The following RIBC2 variants were observed in gnomAD, a reference collection of about 807,000 sequenced individuals.
RIBC2 encodes the protein RIB43A domain with coiled-coils 2.
Under a neutral mutation model 44.3 loss-of-function variants are expected in RIBC2, and 40 were observed. The ratio of observed to expected loss-of-function variants is 0.90; its 90% confidence interval spans 0.70 to 1.18. RIBC2 has a LOEUF of 1.18. Among genes scored for constraint, RIBC2 ranks in the 50% most tolerant of loss-of-function variants. The probability of loss-of-function intolerance (pLI) is 0.00; values close to 1 mark genes in which losing one functional copy is unlikely to be tolerated. For synonymous variants in RIBC2, 171 were observed against 175.0 expected (o/e 0.98, Z 0.18); for missense variants, 459 against 485.5 (o/e 0.95, Z 0.51).
intron 5 of RIBC2, among the ~76,000 whole-genome samples, chr22:45,428,490 C>T (rs1157423276): frequency 6.6e-6 from 1 of 152,030 alleles, no homozygotes; most frequent in African/African-American, 2.4e-5. Flanking sequence ...CCCTGGGCTG[C>T]AGGAGAGCGA....
chr22:45,425,163 G>A (rs1602118816), intron 4 of RIBC2, among the ~76,000 whole-genome samples: 1 of 152,090 alleles, frequency 6.6e-6, no homozygotes, highest in Non-Finnish European at 1.5e-5. Flanking sequence ...ACGGGTGTAG[G>A]GGCTTGGAAG....
chr22:45,414,853 A>G (rs2087404660), intron 2 of RIBC2, among the ~76,000 whole-genome samples: 1 of 152,172 alleles, frequency 6.6e-6, no homozygotes, highest in Admixed American at 6.5e-5. Context: ...CCTTAAACAC[A>G]GAAAGACACA....
chr22:45,420,722 C>T (rs1021096417), intron 3 of RIBC2, among the ~76,000 whole-genome samples: 1 of 152,200 alleles, frequency 6.6e-6, no homozygotes, highest in Admixed American at 6.5e-5. Context: ...ACTCTTGTCC[C>T]TTCTACCTCC....
At chr22:45,423,071 T>A (rs1344014888) in intron 4 of RIBC2, among the ~76,000 whole-genome samples, 4 of 152,070 alleles carry the variant, frequency 2.6e-5, no homozygotes, top group Non-Finnish European at 4.4e-5. Context: ...AGCCTCGACC[T>A]CCCAGGCTCA....
chr22:45,431,031 C>T lies in RIBC2; in HGVS notation c.1035C>T (p.Ser345=). Residue 345 remains serine, a synonymous_variant, in exon 6 of 7, where the codon AGC becomes AGT. Transcript: ENST00000614167. ...RQRDLRRALD[S]SNLSLAKEQH... ...GCGACCTGCGCAGAGCTCTGGACAG[C>T]AGCAACCTCAGCCTGGCCAAGGAGC... 2 of 1,582,758 alleles carry T rather than the reference C, an allele frequency of 1.3e-6. No homozygotes were observed. The highest frequency in any genetic ancestry group is 1.7e-6 in the Non-Finnish European group (2 of 1,164,776).
chr22:45,426,608 C>G (rs963346071), intron 5 of RIBC2, among the ~76,000 whole-genome samples: 17 of 152,182 alleles, frequency 1.1e-4, no homozygotes, highest in Admixed American at 3.3e-4. Context: ...GGTCGAGGTC[C>G]TGGCAGTCCA....
At chr22:45,420,911 G>C (rs2087471106) in intron 3 of RIBC2, among the ~76,000 whole-genome samples, 2 of 152,148 alleles carry the variant, frequency 1.3e-5, no homozygotes, top group Admixed American at 6.6e-5. Context: ...ACAATGTGGA[G>C]TTTGGCCAGG....
rs574617902 is a variant in RIBC2 at position 45,421,601 on chromosome 22, TTAA to T, written c.557-678_557-676del. ...ATTATTAATAATAATAATAGTATTA[TTAA>T]TAATAATAATGTTATTATTCTGCAA... On this transcript the variant is annotated intron_variant, in intron 3 of 6. Coordinates refer to ENST00000614167, the MANE Select transcript of RIBC2 (RefSeq NM_015653.5). Among the ~76,000 whole-genome samples the T allele has an allele frequency of 6.7e-3, 968 of 144,304 alleles. 13 individuals carry two copies. The highest frequency in any genetic ancestry group is 0.024 in the African/African-American group (917 of 38,536). The allele number at this position is 144,304 out of a possible 152,430, so 94.7% of individuals were successfully genotyped here. A position where few individuals can be genotyped will look rare whatever the true frequency, so the allele number is the denominator to read the frequency against.
intron 3 of RIBC2, 59 bp downstream of exon 3, chr22:45,418,005 AG>A (rs2146875579): frequency 3.2e-5 from 28 of 871,938 alleles, no homozygotes; most frequent in Admixed American, 8.0e-5. Flanking sequence ...CCAACCCTAC[AG>A]TTTTTTTTTT....
intron 5 of RIBC2, among the ~76,000 whole-genome samples, chr22:45,427,522 A>G (rs1321085840): frequency 6.6e-6 from 1 of 152,266 alleles, no homozygotes; most frequent in East Asian, 1.9e-4. Context: ...GGAGACAAGT[A>G]GTATTTTCTG....
At chr22:45,425,920 A>G (rs757563058) in intron 4 of RIBC2, 28 bp from the exon 5 acceptor site, 4 of 1,596,126 alleles carry the variant, frequency 2.5e-6, no homozygotes, top group East Asian at 4.5e-5. Context: ...CACTCGGACC[A>G]TCTTCTTTAA....
At chr22:45,419,345 C>T (rs143759141) in intron 3 of RIBC2, among the ~76,000 whole-genome samples, 143 of 152,116 alleles carry the variant, frequency 9.4e-4, no homozygotes, top group African/African-American at 3.0e-3. Context: ...TCTAGCTGCC[C>T]AGGCCCCAGC....
intron 4 of RIBC2, among the ~76,000 whole-genome samples, chr22:45,422,815 G>C (rs532982129): frequency 6.6e-5 from 10 of 152,176 alleles, no homozygotes; most frequent in African/African-American, 2.4e-4. Flanking sequence ...GATGCTCACC[G>C]ATGGCAGGGA....
At chr22:45,432,211 CAA>C (rs35724408) in intron 6 of RIBC2, 71 bp from the exon 7 acceptor site, 43,949 of 643,508 alleles carry the variant, frequency 0.068, 478 homozygotes, top group African/African-American at 0.16. Context: ...TGTGCCTTTT[CAA>C]AAAAAAAAAA....
At chr22:45,430,847 G>T in intron 5 of RIBC2, 53 bp from the exon 6 acceptor site, 1 of 1,485,210 alleles carries the variant, frequency 6.7e-7, no homozygotes, top group East Asian at 2.4e-5. Flanking sequence ...TAATCCCCTG[G>T]GGTTCTTTGG....
In RIBC2 at chr22:45,418,024, GCAACCCTACAGTT is replaced by G; in HGVS notation, c.556+79_556+91del. ...CCCTACAGTTTTTTTTTTTTTTTAAGCAACCCTACAGTTTTTTTTTTTTTTTAAGCAACCCTAC... is the reference window on the plus strand; with the variant it reads ...CCCTACAGTTTTTTTTTTTTTTTAAGTTTTTTTTTTTTTAAGCAACCCTAC... On this transcript the variant is annotated intron_variant, in intron 3 of 6. Transcript: ENST00000614167. 4.7e-6 allele frequency: 4 copies of G among 859,420 alleles called. No individual in the cohort carries two copies. In the South Asian group the frequency reaches 8.3e-5, roughly 18 times the overall value. 53.2% of individuals were successfully genotyped at this position (859,420 alleles called of 1,614,324 possible). A position where few individuals can be genotyped will look rare whatever the true frequency, so the allele number is the denominator to read the frequency against.
intron 3 of RIBC2, among the ~76,000 whole-genome samples, chr22:45,421,270 G>A (rs2087474237): frequency 6.7e-6 from 1 of 150,028 alleles, no homozygotes; most frequent in Admixed American, 6.7e-5. Flanking sequence ...CTCCAGCCTG[G>A]GCAACAGAGC....
chr22:45,423,702 G>A (rs1188253412), intron 4 of RIBC2, among the ~76,000 whole-genome samples: 1 of 152,132 alleles, frequency 6.6e-6, no homozygotes, highest in South Asian at 2.1e-4. Context: ...GCCAACTGCG[G>A]GGGCTGGGGA....
intron 3 of RIBC2, among the ~76,000 whole-genome samples, chr22:45,419,992 C>T (rs934301460): frequency 1.3e-5 from 2 of 152,200 alleles, no homozygotes; most frequent in African/African-American, 2.4e-5. Context: ...TGCCACTGCA[C>T]TCCACCCTGG....
Sources: allele counts gnomAD v4.1 joint callset (sites outside exome capture counted in the v4.1 genomes callset), GRCh38; gene constraint gnomAD v4.1.1; transcripts MANE v1.5; gene names NCBI Gene and HGNC (gene_info 2026-07-23, HGNC 2026-07-21).